Variants in MATCAP2 observed in about 807,000 individuals in gnomAD.
The protein encoded by MATCAP2 is putative tyrosine carboxypeptidase MATCAP2.
At chr7:36,328,470 C>T in the MATCAP2 span, among the ~76,000 whole-genome samples, 1 of 152,032 alleles carries the variant, frequency 6.6e-6, no homozygotes, top group South Asian at 2.1e-4. Flanking sequence ...CAGCCCGGTG[C>T]CAGTGGCCCA....
chr7:36,369,860 C>G, the MATCAP2 span, among the ~76,000 whole-genome samples: 2 of 151,928 alleles, frequency 1.3e-5, no homozygotes, highest in Non-Finnish European at 2.9e-5. Context: ...TTAAGAATTC[C>G]AAAAATAAAC....
At chr7:36,367,293 G>A in the MATCAP2 span, 2 of 1,032,704 alleles carry the variant, frequency 1.9e-6, no homozygotes, top group African/African-American at 3.4e-5. Flanking sequence ...CGCCGCTGGG[G>A]GCGCTCGTGC....
chr7:36,378,724 A>T, the MATCAP2 span, among the ~76,000 whole-genome samples: 1 of 152,194 alleles, frequency 6.6e-6, no homozygotes, highest in South Asian at 2.1e-4. Context: ...ACAGAGGCAG[A>T]CAGGCCTCCT....
chr7:36,363,070 G>A, the MATCAP2 span, among the ~76,000 whole-genome samples: 4 of 152,146 alleles, frequency 2.6e-5, no homozygotes, highest in Admixed American at 2.0e-4. Flanking sequence ...AGGAAAGAAA[G>A]GGTAAAAGAC....
the MATCAP2 span, chr7:36,327,031 T>G: frequency 5.5e-6 from 5 of 905,242 alleles, no homozygotes; most frequent in East Asian, 1.3e-4. Context: ...GTCAAATTAT[T>G]TTAATAGCTG....
chr7:36,366,284 A>C, the MATCAP2 span, among the ~76,000 whole-genome samples: 1 of 152,204 alleles, frequency 6.6e-6, no homozygotes, highest in African/African-American at 2.4e-5. Context: ...GCTAACACGC[A>C]TAGCGATTTA....
At chr7:36,373,626 G>C in the MATCAP2 span, among the ~76,000 whole-genome samples, 1 of 152,012 alleles carries the variant, frequency 6.6e-6, no homozygotes, top group East Asian at 1.9e-4. Flanking sequence ...AAAATTTTTT[G>C]TAGAGATGGG....
chr7:36,334,024 C>CTAAACAG, the MATCAP2 span: 1 of 1,614,098 alleles, frequency 6.2e-7, no homozygotes, highest in East Asian at 2.2e-5. Context: ...AAAAAAGGGT[C>CTAAACAG]TTTTCTAAAC....
chr7:36,356,805 T>A, the MATCAP2 span: 2 of 1,044,482 alleles, frequency 1.9e-6, no homozygotes, highest in South Asian at 1.3e-5. Context: ...TAGAAATAAT[T>A]TGAATATTTT....
chr7:36,370,665 G>A, the MATCAP2 span, among the ~76,000 whole-genome samples: 23 of 152,252 alleles, frequency 1.5e-4, no homozygotes, highest in African/African-American at 5.3e-4. Flanking sequence ...ATTTTTAGTA[G>A]AGACAGGGTT....
At chr7:36,370,296 T>A in the MATCAP2 span, among the ~76,000 whole-genome samples, 62 of 152,300 alleles carry the variant, frequency 4.1e-4, 1 homozygote, top group South Asian at 9.5e-3. Context: ...TTTTTACATA[T>A]CCACAAGAAC....
chr7:36,348,176 C>T, the MATCAP2 span, among the ~76,000 whole-genome samples: 1 of 152,210 alleles, frequency 6.6e-6, no homozygotes, highest in East Asian at 1.9e-4. Flanking sequence ...CATATTCTGG[C>T]TCTTTAAGCT....
chr7:36,356,575 C>G, the MATCAP2 span: 1 of 498,802 alleles, frequency 2.0e-6, no homozygotes, highest in Non-Finnish European at 3.5e-6. Context: ...GTGGGCTACC[C>G]AACACTTGTC....
the MATCAP2 span, among the ~76,000 whole-genome samples, chr7:36,365,785 T>C: frequency 6.6e-6 from 1 of 152,250 alleles, no homozygotes; most frequent in African/African-American, 2.4e-5. Context: ...TTAAGTAACT[T>C]TTGACATTTT....
At chr7:36,344,855 T>C in the MATCAP2 span, among the ~76,000 whole-genome samples, 495 of 152,328 alleles carry the variant, frequency 3.2e-3, 1 homozygote, top group African/African-American at 0.011. Context: ...CCCACAGATA[T>C]CAAATATATT....
the MATCAP2 span, among the ~76,000 whole-genome samples, chr7:36,382,855 T>C: frequency 1.3e-5 from 2 of 152,336 alleles, no homozygotes; most frequent in South Asian, 2.1e-4. Context: ...AAGTATAGTG[T>C]GATAAGTACA....
the MATCAP2 span, among the ~76,000 whole-genome samples, chr7:36,345,464 G>A: frequency 1.4e-5 from 2 of 146,306 alleles, no homozygotes; most frequent in East Asian, 1.9e-4. Context: ...AAAGCAAAAT[G>A]AGTAATTGTT....
At chr7:36,341,937 G>T in the MATCAP2 span, among the ~76,000 whole-genome samples, 1 of 152,150 alleles carries the variant, frequency 6.6e-6, no homozygotes, top group Non-Finnish European at 1.5e-5. Context: ...TTTTGTTATA[G>T]CAGGCCAAAT....
the MATCAP2 span, chr7:36,337,919 T>C: frequency 6.6e-6 from 1 of 152,198 alleles, no homozygotes; most frequent in Non-Finnish European, 1.5e-5. Context: ...TATATCATCA[T>C]TGGTATGTTA....
Sources: gnomAD v4.1 joint callset for allele counts (sites outside exome capture counted in the v4.1 genomes callset) on GRCh38, gnomAD v4.1.1 for gene constraint, MANE v1.5 for transcripts, NCBI Gene and HGNC (gene_info 2026-07-23, HGNC 2026-07-21) for gene names.